The following UVRAG variants were observed in gnomAD, a reference collection of about 807,000 sequenced individuals.
UVRAG encodes the protein UV radiation resistance-associated gene protein.
UVRAG carries 19 observed loss-of-function variants against 78.0 expected under a neutral mutation model. The observed-to-expected ratio is 0.24, with a 90% CI of 0.17 to 0.36. The LOEUF (loss-of-function observed/expected upper bound fraction) is 0.36, where lower values mean the gene tolerates loss of function less well. UVRAG is among the 10% of genes least tolerant of loss of function. The probability of loss-of-function intolerance (pLI) is 1.00; values close to 1 mark genes in which losing one functional copy is unlikely to be tolerated. For missense variants in UVRAG, 740 were observed against 853.8 expected (o/e 0.87, Z 1.66); for synonymous variants, 323 against 324.6 (o/e 1.00, Z 0.05).
In UVRAG at chr11:75,897,396, C is replaced by A. The variant is rs149397584; in HGVS notation, c.507+8493C>A. On this transcript the variant is annotated intron_variant, in intron 5 of 14. Coordinates refer to ENST00000356136, the MANE Select transcript of UVRAG (RefSeq NM_003369.4). ...TAACACCGCAGGGAATATTAGTTATCTAGCCCAACACTCTTATTTTGTAGA... is the reference window on the plus strand; with the variant it reads ...TAACACCGCAGGGAATATTAGTTATATAGCCCAACACTCTTATTTTGTAGA... 4.2e-3 allele frequency among the ~76,000 whole-genome samples: 636 copies of A among 152,308 alleles called. 5 individuals carry two copies. The highest frequency in any genetic ancestry group is 0.015 in the African/African-American group (612 of 41,564).
chr11:75,878,900 AGGGAGG>A (rs1555079763), intron 3 of UVRAG, among the ~76,000 whole-genome samples: 122 of 81,414 alleles, frequency 1.5e-3, no homozygotes, highest in African/African-American at 2.5e-3. Flanking sequence ...GGACAGGGAC[AGGGAGG>A]GGGAGGGGGA....
chr11:76,085,380 C>G (rs546017867), intron 13 of UVRAG, among the ~76,000 whole-genome samples: 2 of 152,192 alleles, frequency 1.3e-5, no homozygotes, highest in Non-Finnish European at 2.9e-5. Flanking sequence ...CAGTGCTCGT[C>G]AAAGTGTGAT....
intron 13 of UVRAG, among the ~76,000 whole-genome samples, chr11:76,094,087 A>G (rs960172813): frequency 2.0e-5 from 3 of 152,208 alleles, no homozygotes; most frequent in Non-Finnish European, 4.4e-5. Context: ...GAATTTGTCA[A>G]AGGCCTTTTC....
chr11:76,090,610 T>G (rs1016422376), intron 13 of UVRAG, among the ~76,000 whole-genome samples: 1 of 152,186 alleles, frequency 6.6e-6, no homozygotes, highest in Non-Finnish European at 1.5e-5. Flanking sequence ...TCAAATTACT[T>G]TGTCTATATA....
At chr11:75,974,381 A>G (rs1275057000) in intron 7 of UVRAG, among the ~76,000 whole-genome samples, 24 of 98,918 alleles carry the variant, frequency 2.4e-4, no homozygotes, top group African/African-American at 1.0e-3. Flanking sequence ...TTTTTTTGAG[A>G]CGGAGTCTCG....
chr11:75,815,424 C>G lies in UVRAG; in HGVS notation c.17C>G (p.Ser6Trp), dbSNP rs1945236864. MSASA[S>W]VGGPVPQPPP... ...TGGATCGAGATGAGCGCCTCCGCGT[C>G]GGTCGGGGGCCCCGTCCCCCAGCCA... Residue 6 changes from serine to tryptophan, a missense_variant, in exon 1 of 15, where the codon TCG (serine) becomes TGG (tryptophan). Coordinates refer to ENST00000356136, the MANE Select transcript of UVRAG (RefSeq NM_003369.4). 4.0e-6 allele frequency: 5 copies of G among 1,247,570 alleles called. No homozygotes were observed. Among genetic ancestry groups the G allele is most frequent in the African/African-American group, 1.6e-5 (1 of 64,450 alleles). 77.3% of individuals were successfully genotyped at this position (1,247,570 alleles called of 1,614,324 possible).
chr11:75,910,283 T>C (rs1388185818), intron 5 of UVRAG, among the ~76,000 whole-genome samples: 1 of 152,198 alleles, frequency 6.6e-6, no homozygotes, highest in Non-Finnish European at 1.5e-5. Flanking sequence ...TTAAATACCT[T>C]TCATTTTACA....
At chr11:75,841,457 TAGTAATA>T (rs1945907896) in intron 1 of UVRAG, among the ~76,000 whole-genome samples, 2 of 152,208 alleles carry the variant, frequency 1.3e-5, no homozygotes, top group Non-Finnish European at 2.9e-5. Context: ...TCAAGGTATA[TAGTAATA>T]TTTCTTTACG....
intron 1 of UVRAG, among the ~76,000 whole-genome samples, chr11:75,849,058 G>A (rs1946095726): frequency 6.6e-6 from 1 of 152,150 alleles, no homozygotes; most frequent in Admixed American, 6.6e-5. Flanking sequence ...CATGCCTGTA[G>A]TCGCAGCTAC....
At chr11:75,837,895 A>T (rs1385310559) in intron 1 of UVRAG, among the ~76,000 whole-genome samples, 1 of 152,226 alleles carries the variant, frequency 6.6e-6, no homozygotes, top group African/African-American at 2.4e-5. Context: ...ATTGGCCTGG[A>T]GTCCTAGTTA....
intron 5 of UVRAG, among the ~76,000 whole-genome samples, chr11:75,905,782 G>GT (rs1286970860): frequency 4.6e-5 from 7 of 152,166 alleles, no homozygotes; most frequent in Admixed American, 4.6e-4. Context: ...GTGTACAACT[G>GT]TTTGTTTGAG....
At chr11:76,081,697 T>C (rs1411080332) in intron 13 of UVRAG, among the ~76,000 whole-genome samples, 1 of 151,550 alleles carries the variant, frequency 6.6e-6, no homozygotes, top group Non-Finnish European at 1.5e-5. Context: ...GATGGGAGGG[T>C]AGATTGATCA....
chr11:76,048,803 A>T (rs1369817620), intron 12 of UVRAG, among the ~76,000 whole-genome samples: 1 of 152,236 alleles, frequency 6.6e-6, no homozygotes, highest in Non-Finnish European at 1.5e-5. Flanking sequence ...TAGGCTTTTT[A>T]TGATAGATGA....
At chr11:75,902,277 G>T (rs769188242) in intron 5 of UVRAG, among the ~76,000 whole-genome samples, 2 of 152,150 alleles carry the variant, frequency 1.3e-5, no homozygotes, top group Non-Finnish European at 2.9e-5. Flanking sequence ...GGACGGGAGT[G>T]GGGACGGTTT....
At chr11:75,988,207 C>G (rs1229049079) in intron 8 of UVRAG, among the ~76,000 whole-genome samples, 1 of 152,144 alleles carries the variant, frequency 6.6e-6, no homozygotes, top group Admixed American at 6.5e-5. Flanking sequence ...AGGCAGGTAG[C>G]TACCACCACA....
chr11:75,932,767 C>G (rs1173917810), intron 6 of UVRAG, among the ~76,000 whole-genome samples: 1 of 152,072 alleles, frequency 6.6e-6, no homozygotes, highest in African/African-American at 2.4e-5. Context: ...ACAATAGCTA[C>G]AAATAAAGTT....
At chr11:75,855,931 G>T (rs981466150) in intron 2 of UVRAG, among the ~76,000 whole-genome samples, 3 of 152,158 alleles carry the variant, frequency 2.0e-5, no homozygotes, top group African/African-American at 4.8e-5. Context: ...ACAAAGCCTT[G>T]TGTTAATGGA....
chr11:76,136,901 G>A (rs1412476801), intron 14 of UVRAG, among the ~76,000 whole-genome samples: 2 of 152,122 alleles, frequency 1.3e-5, no homozygotes, highest in Non-Finnish European at 2.9e-5. Flanking sequence ...AGACTTGTGA[G>A]TTTTTATTTT....
At chr11:76,028,698 A>G (rs1243288192) in intron 12 of UVRAG, among the ~76,000 whole-genome samples, 1 of 152,162 alleles carries the variant, frequency 6.6e-6, no homozygotes, top group Non-Finnish European at 1.5e-5. Context: ...TTCTTCAGTT[A>G]CTTGAAATCT....
Sources: gnomAD v4.1 joint callset for allele counts (sites outside exome capture counted in the v4.1 genomes callset) on GRCh38, gnomAD v4.1.1 for gene constraint, MANE v1.5 for transcripts, NCBI Gene and HGNC (gene_info 2026-07-23, HGNC 2026-07-21) for gene names.